The following ANKRD11 variants were observed in gnomAD, a reference collection of about 807,000 sequenced individuals.
ANKRD11 encodes ankyrin repeat domain-containing protein 11.
In ANKRD11, 17 loss-of-function variants were observed where a neutral mutation model predicts 195.7. The ratio of observed to expected loss-of-function variants is 0.09; its 90% CI spans 0.06 to 0.13. The LOEUF is 0.13. ANKRD11 is among the 10% of genes least tolerant of loss of function. The probability of loss-of-function intolerance (pLI) is 1.00; values close to 1 mark genes in which losing one functional copy is unlikely to be tolerated. For synonymous variants in ANKRD11, 1,953 were observed against 1,528.1 expected (o/e 1.28, Z -6.49); for missense variants, 3,735 against 3,566.1 (o/e 1.05, Z -1.21).
At chr16:89,457,664 G>C (rs2056497232) in intron 1 of ANKRD11, among the ~76,000 whole-genome samples, 1 of 151,760 alleles carries the variant, frequency 6.6e-6, no homozygotes, top group African/African-American at 2.4e-5. Context: ...ATAACAGAAA[G>C]TGGGCTGGCA....
At chr16:89,487,799 G>A (rs577479670) in intron 1 of ANKRD11, among the ~76,000 whole-genome samples, 112 of 152,172 alleles carry the variant, frequency 7.4e-4, no homozygotes, top group African/African-American at 2.6e-3. Context: ...AAATAAAAAG[G>A]GGCACAAAAA....
chr16:89,484,767 A>C (rs771587754), intron 1 of ANKRD11, among the ~76,000 whole-genome samples: 8 of 152,250 alleles, frequency 5.3e-5, no homozygotes, highest in Non-Finnish European at 1.2e-4. Context: ...GAATTTTACC[A>C]TGACAAAAGA....
chr16:89,463,421 T>C (rs1001960742), intron 1 of ANKRD11, among the ~76,000 whole-genome samples: 2 of 152,180 alleles, frequency 1.3e-5, no homozygotes, highest in African/African-American at 4.8e-5. Context: ...CAGGGTTAAA[T>C]GGATTAAGGG....
In ANKRD11 at chr16:89,286,075, T is replaced by G; in HGVS notation, c.856A>C (p.Lys286Gln). 6.2e-7 allele frequency: 1 copy of G among 1,614,244 alleles called. No individual in the cohort carries two copies. The highest frequency in any genetic ancestry group is 1.1e-5 in the South Asian group (1 of 91,088). ...TCCTCGCTGGAAGTGTAAGTGCCTTTGCCTAACAGGAGGTTCACCATCGTG... is the reference window on the plus strand; with the variant it reads ...TCCTCGCTGGAAGTGTAAGTGCCTTGGCCTAACAGGAGGTTCACCATCGTG... ...SPTMVNLLLG[K>Q]GTYTSSEESS... Residue 286 changes from lysine (K) to glutamine (Q), a missense_variant, in exon 8 of 13, where the codon AAA becomes CAA. Physicochemically the swap from Lys to Gln is moderately conservative, Grantham distance 53. Transcript: ENST00000301030.
At chr16:89,461,993 C>T (rs1268029911) in intron 1 of ANKRD11, among the ~76,000 whole-genome samples, 1 of 151,982 alleles carries the variant, frequency 6.6e-6, no homozygotes, top group Non-Finnish European at 1.5e-5. Flanking sequence ...CCGTCTGTCA[C>T]GAGCTTCATT....
chr16:89,349,830 G>T (rs2039121451), intron 2 of ANKRD11, among the ~76,000 whole-genome samples: 1 of 137,030 alleles, frequency 7.3e-6, no homozygotes, highest in Admixed American at 7.6e-5. Flanking sequence ...ACACTATTAA[G>T]AAATAAAAAT....
At chr16:89,461,829 T>C (rs146524137) in intron 1 of ANKRD11, among the ~76,000 whole-genome samples, 1 of 152,268 alleles carries the variant, frequency 6.6e-6, no homozygotes, top group African/African-American at 2.4e-5. Flanking sequence ...AAACTAGGGT[T>C]CTCATTTAAG....
intron 1 of ANKRD11, among the ~76,000 whole-genome samples, chr16:89,426,566 C>CAA (rs909601304): frequency 2.6e-5 from 4 of 151,296 alleles, no homozygotes; most frequent in Non-Finnish European, 4.4e-5. Flanking sequence ...CACACACACA[C>CAA]AAATCTGAAA....
chr16:89,456,515 G>A (rs1252833194), intron 1 of ANKRD11, among the ~76,000 whole-genome samples: 1 of 150,894 alleles, frequency 6.6e-6, no homozygotes, highest in African/African-American at 2.4e-5. Flanking sequence ...GCCACTCCAG[G>A]CTGGGTGACA....
At chr16:89,337,419 C>A (rs1245167261) in intron 2 of ANKRD11, among the ~76,000 whole-genome samples, 1 of 99,056 alleles carries the variant, frequency 1.0e-5, no homozygotes, top group East Asian at 3.7e-4. Flanking sequence ...TGAACATGGT[C>A]TAAGCAATTC....
intron 2 of ANKRD11, among the ~76,000 whole-genome samples, chr16:89,343,145 C>G (rs1398094264): frequency 6.6e-6 from 1 of 152,176 alleles, no homozygotes; most frequent in Non-Finnish European, 1.5e-5. Context: ...TGTGCCACCA[C>G]GCCTGGCTCA....
At chr16:89,342,878 G>C (rs2038757103) in intron 2 of ANKRD11, among the ~76,000 whole-genome samples, 1 of 152,198 alleles carries the variant, frequency 6.6e-6, no homozygotes, top group South Asian at 2.1e-4. Context: ...GCAAAGGAGT[G>C]GGAAAGGGAC....
chr16:89,409,897 T>C (rs893044478), intron 2 of ANKRD11, among the ~76,000 whole-genome samples: 2 of 152,148 alleles, frequency 1.3e-5, no homozygotes, highest in Non-Finnish European at 2.9e-5. Context: ...TGGAGTGTAG[T>C]GGCACAATCT....
chr16:89,316,652 TG>T (rs1474204543), intron 3 of ANKRD11, among the ~76,000 whole-genome samples: 1 of 152,240 alleles, frequency 6.6e-6, no homozygotes, highest in South Asian at 2.1e-4. Context: ...CCTGGACTTC[TG>T]GGGGTAGAAA....
chr16:89,415,318 G>A (rs1357302210), intron 2 of ANKRD11, among the ~76,000 whole-genome samples: 3 of 137,068 alleles, frequency 2.2e-5, no homozygotes, highest in Non-Finnish European at 3.1e-5. Context: ...AGGCTGGAGC[G>A]CAGTGGTGCG....
intron 3 of ANKRD11, among the ~76,000 whole-genome samples, chr16:89,314,893 C>T (rs2036854023): frequency 6.6e-6 from 1 of 152,198 alleles, no homozygotes; most frequent in African/African-American, 2.4e-5. Flanking sequence ...AGGCCAGGTT[C>T]ACTCAGCAGT....
intron 1 of ANKRD11, among the ~76,000 whole-genome samples, chr16:89,456,379 T>C (rs2056437078): frequency 6.6e-6 from 1 of 151,630 alleles, no homozygotes; most frequent in Non-Finnish European, 1.5e-5. Flanking sequence ...AAAAACCCTG[T>C]CTCTACTAAA....
chr16:89,361,836 AAAAC>A lies in ANKRD11; in HGVS notation c.-59-44762_-59-44759del, dbSNP rs778297652. 9.2e-5 allele frequency among the ~76,000 whole-genome samples: 14 copies of A among 152,374 alleles called. No homozygotes were observed. The East Asian group carries it at 9.6e-4, about 10-fold the overall frequency. On this transcript the variant is annotated intron_variant, in intron 2 of 12. Transcript: ENST00000301030. ...AAATTAACCCTAAACATTTAAAAACAAAACAAACAAAAAAAATCCGCACTCTAGA... is the reference window on the plus strand; with the variant it reads ...AAATTAACCCTAAACATTTAAAAACAAAACAAAAAAAATCCGCACTCTAGA...
At chr16:89,347,574 G>A (rs1340102767) in intron 2 of ANKRD11, among the ~76,000 whole-genome samples, 2 of 146,320 alleles carry the variant, frequency 1.4e-5, no homozygotes, top group South Asian at 2.1e-4. Flanking sequence ...TCACGCCACT[G>A]CATTCCAGCC....
Sources: gnomAD v4.1 joint callset for allele counts (sites outside exome capture counted in the v4.1 genomes callset) on GRCh38, gnomAD v4.1.1 for gene constraint, MANE v1.5 for transcripts, NCBI Gene and HGNC (gene_info 2026-07-23, HGNC 2026-07-21) for gene names.